Variants in CTNNA2 observed in about 807,000 individuals in gnomAD.
The protein encoded by CTNNA2 is catenin alpha 2, also known as catenin alpha-2.
CTNNA2 carries 42 observed loss-of-function variants against 101.0 expected under a neutral mutation model. The ratio of observed to expected loss-of-function variants is 0.42; its 90% CI spans 0.32 to 0.54. The LOEUF is 0.54. Ranked by LOEUF, CTNNA2 falls within the 20% of genes least tolerant of loss-of-function variation. The pLI, the probability that CTNNA2 is intolerant of heterozygous loss-of-function variation, is 0.14. For missense variants in CTNNA2, 871 were observed against 1,223.1 expected (o/e 0.71, Z 4.29); for synonymous variants, 450 against 456.4 (o/e 0.99, Z 0.18).
intron 7 of CTNNA2, among the ~76,000 whole-genome samples, chr2:79,917,196 C>T (rs966650549): frequency 2.6e-5 from 4 of 152,010 alleles, no homozygotes; most frequent in East Asian, 1.9e-4. Context: ...CTCAGCCTGC[C>T]GAGTAGCTGG....
At chr2:80,420,058 A>G (rs994211982) in intron 9 of CTNNA2, among the ~76,000 whole-genome samples, 13 of 149,820 alleles carry the variant, frequency 8.7e-5, no homozygotes, top group Admixed American at 8.6e-4. Context: ...AAAAAAAAAA[A>G]AAAAACCCAC....
chr2:80,464,198 A>G (rs911780213), intron 9 of CTNNA2, among the ~76,000 whole-genome samples: 3 of 152,180 alleles, frequency 2.0e-5, no homozygotes, highest in South Asian at 4.1e-4. Flanking sequence ...AGAATGTTCT[A>G]TCTGTCCTGC....
intron 7 of CTNNA2, among the ~76,000 whole-genome samples, chr2:80,012,703 C>T (rs1273131745): frequency 6.6e-6 from 1 of 152,068 alleles, no homozygotes. Context: ...TAGTTTTTGT[C>T]GATTCCTCTT....
At chr2:80,580,155 T>C (rs183017694) in intron 13 of CTNNA2, among the ~76,000 whole-genome samples, 1 of 152,326 alleles carries the variant, frequency 6.6e-6, no homozygotes, top group East Asian at 1.9e-4. Context: ...AAATAATGTC[T>C]ACATCATACG....
chr2:79,565,383 T>A (rs1337950525), intron 1 of CTNNA2, among the ~76,000 whole-genome samples: 1 of 152,040 alleles, frequency 6.6e-6, no homozygotes, highest in South Asian at 2.1e-4. Flanking sequence ...ATGGACGAAC[T>A]TCCTGAGGCC....
At chr2:80,406,894 G>A (rs1311061658) in intron 8 of CTNNA2, among the ~76,000 whole-genome samples, 1 of 150,222 alleles carries the variant, frequency 6.7e-6, no homozygotes, top group African/African-American at 2.4e-5. Context: ...TGTGTCACAA[G>A]TTGCCATAGC....
At chr2:79,725,191 A>G (rs1435142834) in intron 2 of CTNNA2, among the ~76,000 whole-genome samples, 1 of 152,230 alleles carries the variant, frequency 6.6e-6, no homozygotes, top group Admixed American at 6.5e-5. Context: ...ATGAAACAGA[A>G]CATCTCTGTC....
intron 3 of CTNNA2, among the ~76,000 whole-genome samples, chr2:79,341,026 A>G (rs1305405765): frequency 2.8e-5 from 4 of 144,900 alleles, no homozygotes; most frequent in Admixed American, 2.7e-4. Context: ...TAAACGCTAC[A>G]TATATATATA....
At chr2:79,426,820 G>A (rs527866476) in intron 4 of CTNNA2, among the ~76,000 whole-genome samples, 16 of 152,140 alleles carry the variant, frequency 1.1e-4, no homozygotes, top group African/African-American at 3.6e-4. Context: ...TAGAACAAGT[G>A]CTATCTACCA....
chr2:79,870,982 G>A (rs1258136115), intron 5 of CTNNA2, among the ~76,000 whole-genome samples: 1 of 152,166 alleles, frequency 6.6e-6, no homozygotes, highest in African/African-American at 2.4e-5. Flanking sequence ...CTCAGTTTCA[G>A]CTAACTCTGT....
chr2:79,221,520 G>C (rs1674345228), intron 2 of CTNNA2, among the ~76,000 whole-genome samples: 1 of 152,012 alleles, frequency 6.6e-6, no homozygotes, highest in African/African-American at 2.4e-5. Context: ...AGTTTATTAT[G>C]GTGATATTTA....
chr2:80,459,184 A>C (rs1300878416), intron 9 of CTNNA2, among the ~76,000 whole-genome samples: 1 of 152,154 alleles, frequency 6.6e-6, no homozygotes, highest in Non-Finnish European at 1.5e-5. Flanking sequence ...TTACACAATG[A>C]TGAAACCACC....
At chr2:79,495,734 TGTG>T (rs1296080377) in intron 4 of CTNNA2, among the ~76,000 whole-genome samples, 1 of 152,098 alleles carries the variant, frequency 6.6e-6, no homozygotes, top group Non-Finnish European at 1.5e-5. Flanking sequence ...GGATTAAAAA[TGTG>T]GTATATCCAG....
At chr2:79,389,610 C>T (rs957894068) in intron 4 of CTNNA2, among the ~76,000 whole-genome samples, 7 of 152,048 alleles carry the variant, frequency 4.6e-5, no homozygotes, top group African/African-American at 1.7e-4. Context: ...TTGTATTCTC[C>T]CAAAGTCATA....
intron 7 of CTNNA2, among the ~76,000 whole-genome samples, chr2:80,329,078 T>C (rs1671082327): frequency 6.6e-6 from 1 of 152,242 alleles, no homozygotes; most frequent in Admixed American, 6.5e-5. Flanking sequence ...TTTTGATTAC[T>C]TTTTGTATAA....
intron 18 of CTNNA2, among the ~76,000 whole-genome samples, chr2:80,642,605 A>G (rs1673616449): frequency 6.6e-6 from 1 of 152,170 alleles, no homozygotes; most frequent in African/African-American, 2.4e-5. Flanking sequence ...TTTCCTTTGA[A>G]AGAATGTGGT....
chr2:80,564,667 G>A (rs948118658), intron 12 of CTNNA2, among the ~76,000 whole-genome samples: 12 of 152,106 alleles, frequency 7.9e-5, no homozygotes, highest in Non-Finnish European at 8.8e-5. Flanking sequence ...TTATGGAAAT[G>A]GCAGCCTTTA....
chr2:79,639,399 A>T (rs541275021), intron 1 of CTNNA2, among the ~76,000 whole-genome samples: 1 of 152,178 alleles, frequency 6.6e-6, no homozygotes, highest in African/African-American at 2.4e-5. Context: ...TTATTTAACA[A>T]TGCATTATGG....
chr2:79,940,580 G>A (rs2104454753), intron 7 of CTNNA2, among the ~76,000 whole-genome samples: 1 of 152,260 alleles, frequency 6.6e-6, no homozygotes, highest in South Asian at 2.1e-4. Context: ...CTGTGAATCA[G>A]TCAGGACCCA....
Sources: gnomAD v4.1 joint callset for allele counts (sites outside exome capture counted in the v4.1 genomes callset) on GRCh38, gnomAD v4.1.1 for gene constraint, MANE v1.5 for transcripts, NCBI Gene and HGNC (gene_info 2026-07-23, HGNC 2026-07-21) for gene names.